SIRT4: variants seen among roughly 807,000 people sequenced by gnomAD.
SIRT4 encodes NAD-dependent protein lipoamidase sirtuin-4, mitochondrial.
A neutral mutation model predicts 26.1 loss-of-function variants in SIRT4; 23 were observed. That is an observed-to-expected ratio of 0.88 (90% CI 0.63 to 1.25). The LOEUF is 1.25. SIRT4 is among the 50% of genes most tolerant of loss of function. The pLI is 0.00. For missense variants in SIRT4, 361 were observed against 405.4 expected (o/e 0.89, Z 0.94); for synonymous variants, 155 against 158.4 (o/e 0.98, Z 0.16).
At position 120,303,719 on chromosome 12, in the gene SIRT4, T is replaced by C; in HGVS notation, c.158T>C (p.Leu53Pro). The change falls in exon 2 of 4, where the codon CTT (leucine) becomes CCT (proline). Residue 53 changes from leucine (L) to proline (P), a missense_variant. Transcript: ENST00000202967. ...AAAGAGTTACAGCGCTTCATCACCCTTTCCAAGAGACTCCTTGTGATGACT... is the reference window on the plus strand; with the variant it reads ...AAAGAGTTACAGCGCTTCATCACCCCTTCCAAGAGACTCCTTGTGATGACT... Reference protein sequence around the residue: ...KVKELQRFITLSKRLLVMTGA... With the variant: ...KVKELQRFITPSKRLLVMTGA... 6.2e-7 allele frequency: 1 copy of C among 1,614,124 alleles called. No individual in the cohort carries two copies. Among genetic ancestry groups the C allele is most frequent in the Non-Finnish European group, 8.5e-7 (1 of 1,180,020 alleles).
chr12:120,299,445 C>T (rs942534807), upstream of SIRT4, among the ~76,000 whole-genome samples: 4 of 150,808 alleles, frequency 2.7e-5, no homozygotes, highest in Admixed American at 6.7e-5. Context: ...CTAGCTACTC[C>T]GGAGGCCGAG....
At chr12:120,304,593 G>A (rs898163768) in intron 2 of SIRT4, among the ~76,000 whole-genome samples, 1 of 150,862 alleles carries the variant, frequency 6.6e-6, no homozygotes, top group African/African-American at 2.4e-5. Flanking sequence ...GCTGCAGTGA[G>A]CCGAGATTGC....
chr12:120,291,823 G>A, the SIRT4 span: 12 of 152,270 alleles, frequency 7.9e-5, no homozygotes, highest in African/African-American at 1.9e-4. Flanking sequence ...TCATGGCGGG[G>A]TATTGGGAAA....
At chr12:120,292,765 A>G in the SIRT4 span, among the ~76,000 whole-genome samples, 1,538 of 151,582 alleles carry the variant, frequency 0.01, 24 homozygotes, top group African/African-American at 0.034. Flanking sequence ...GCGAGCCGAG[A>G]TCACGCCAGT....
chr12:120,311,311 C>T (rs1205323361), intron 2 of SIRT4, among the ~76,000 whole-genome samples: 7 of 147,754 alleles, frequency 4.7e-5, no homozygotes, highest in East Asian at 4.3e-4. Context: ...GCCAAGATCG[C>T]GCCATTGCAC....
chr12:120,295,244 C>T, the SIRT4 span, among the ~76,000 whole-genome samples: 3 of 125,280 alleles, frequency 2.4e-5, no homozygotes, highest in South Asian at 2.5e-4. Context: ...GACTGAGTTT[C>T]GCTCTTGTTG....
chr12:120,292,250 G>A, the SIRT4 span, among the ~76,000 whole-genome samples: 1 of 152,172 alleles, frequency 6.6e-6, no homozygotes, highest in South Asian at 2.1e-4. Flanking sequence ...CGAGGGTGCG[G>A]AAACAGCAGG....
At chr12:120,300,597 C>A (rs544697155), upstream of SIRT4, among the ~76,000 whole-genome samples, 20 of 152,224 alleles carry the variant, frequency 1.3e-4, no homozygotes, top group East Asian at 3.9e-3. Context: ...CAGGCACACA[C>A]CACCACACCC....
intron 2 of SIRT4, among the ~76,000 whole-genome samples, chr12:120,312,061 T>A (rs7960401): frequency 0.057 from 8,703 of 151,896 alleles, 381 homozygotes; most frequent in Admixed American, 0.15. Context: ...GGAGGGAGGA[T>A]CACTTGAGGC....
At position 120,302,367 on chromosome 12, in the gene SIRT4, G is replaced by C. The variant is rs11613753; in HGVS notation, c.-13G>C. Reference sequence around the variant, plus strand: ...CACTGTGGGGTGTGAAGTGTCCGTAGAGCTGTGAGAGGTAAGTGTGTTCTG... The same window carrying C: ...CACTGTGGGGTGTGAAGTGTCCGTACAGCTGTGAGAGGTAAGTGTGTTCTG... On this transcript the variant is annotated 5_prime_UTR_variant, in exon 1 of 4. Transcript: ENST00000202967. The C allele has an allele frequency of 1.9e-4, 29 of 152,340 alleles. No individual in the cohort carries two copies. Among genetic ancestry groups the C allele is most frequent in the African/African-American group, 7.0e-4 (29 of 41,570 alleles). 9.4% of individuals were successfully genotyped at this position (152,340 alleles called of 1,614,324 possible). A position where few individuals can be genotyped will look rare whatever the true frequency, so the allele number is the denominator to read the frequency against.
chr12:120,293,087 G>GA, the SIRT4 span: 2 of 17,854 alleles, frequency 1.1e-4, no homozygotes, highest in African/African-American at 2.8e-4. Flanking sequence ...TCAACTGCAA[G>GA]AAAATTCAGT....
chr12:120,308,363 G>A (rs569306605), intron 2 of SIRT4, among the ~76,000 whole-genome samples: 1 of 151,726 alleles, frequency 6.6e-6, no homozygotes, highest in African/African-American at 2.4e-5. Flanking sequence ...TAGAGGTAGG[G>A]TTTCATCATG....
At chr12:120,306,445 A>T (rs1405125653) in intron 2 of SIRT4, among the ~76,000 whole-genome samples, 1 of 151,734 alleles carries the variant, frequency 6.6e-6, no homozygotes, top group Admixed American at 6.6e-5. Context: ...ATTGTACTCC[A>T]GCCTGCAGCC....
chr12:120,296,595 T>C, the SIRT4 span, among the ~76,000 whole-genome samples: 3 of 145,608 alleles, frequency 2.1e-5, no homozygotes, highest in East Asian at 6.3e-4. Flanking sequence ...GCAGCCTAAA[T>C]CTCCTGGGCT....
At chr12:120,307,404 G>C (rs1401340411) in intron 2 of SIRT4, among the ~76,000 whole-genome samples, 1 of 151,248 alleles carries the variant, frequency 6.6e-6, no homozygotes, top group Non-Finnish European at 1.5e-5. Context: ...CAGGAGAATT[G>C]CATGAACATG....
rs61748115 is a variant in SIRT4 at position 120,303,579 on chromosome 12, G to A, written c.18G>A (p.Ala6=). 0.06 allele frequency: 96,403 copies of A among 1,611,524 alleles called. 4,106 individuals carry two copies. The highest frequency in any genetic ancestry group is 0.21 in the Admixed American group (12,587 of 59,178). Reference sequence around the variant, plus strand: ...TCTCTAGAATGAAGATGAGCTTTGCGTTGACTTTCAGGTCAGCAAAAGGCC... The same window carrying A: ...TCTCTAGAATGAAGATGAGCTTTGCATTGACTTTCAGGTCAGCAAAAGGCC... MKMSF[A]LTFRSAKGRW... Residue 6 remains alanine, a synonymous_variant, in exon 2 of 4, where the codon GCG becomes GCA. Coordinates refer to ENST00000202967, the MANE Select transcript of SIRT4 (RefSeq NM_012240.3).
At chr12:120,306,627 C>T (rs1046716371) in intron 2 of SIRT4, among the ~76,000 whole-genome samples, 1 of 152,036 alleles carries the variant, frequency 6.6e-6, no homozygotes, top group Non-Finnish European at 1.5e-5. Context: ...CACGGTGAAA[C>T]CCCATCTCTA....
the SIRT4 span, among the ~76,000 whole-genome samples, chr12:120,295,663 T>C: frequency 6.6e-6 from 1 of 151,990 alleles, no homozygotes; most frequent in Non-Finnish European, 1.5e-5. Flanking sequence ...GAGGCTCAAA[T>C]AATAAGGATT....
chr12:120,306,477 C>T (rs145396269), intron 2 of SIRT4, among the ~76,000 whole-genome samples: 177 of 140,598 alleles, frequency 1.3e-3, no homozygotes, highest in African/African-American at 4.2e-3. Flanking sequence ...AACAAAACTC[C>T]GTCAAAAAAA....
Sources: allele counts gnomAD v4.1 joint callset (sites outside exome capture counted in the v4.1 genomes callset), GRCh38; gene constraint gnomAD v4.1.1; transcripts MANE v1.5; gene names NCBI Gene and HGNC (gene_info 2026-07-23, HGNC 2026-07-21).